TEAD1: variants seen among roughly 807,000 people sequenced by gnomAD.
The protein encoded by TEAD1 is transcriptional enhancer factor TEF-1.
Under a neutral mutation model 54.9 loss-of-function variants are expected in TEAD1, and 9 were observed. That is an observed-to-expected ratio of 0.16 (90% CI 0.10 to 0.29). The LOEUF is 0.29. Among genes scored for constraint, TEAD1 ranks in the 10% least tolerant of loss-of-function variants. The pLI is 1.00. For missense variants in TEAD1, 387 were observed against 535.9 expected, an observed-to-expected ratio of 0.72 and a Z score of 2.74; for synonymous variants, 200 against 187.8, an observed-to-expected ratio of 1.07 and a Z score of -0.53.
chr11:12,816,419 G>T (rs140190411), intron 3 of TEAD1, among the ~76,000 whole-genome samples: 1 of 152,130 alleles, frequency 6.6e-6, no homozygotes, highest in Non-Finnish European at 1.5e-5. Flanking sequence ...TCTTCTGCAC[G>T]CTCTTTTTCC....
At chr11:12,918,790 A>G (rs534428280) in intron 10 of TEAD1, among the ~76,000 whole-genome samples, 2 of 152,344 alleles carry the variant, frequency 1.3e-5, no homozygotes, top group African/African-American at 2.4e-5. Context: ...TTTTCATTCA[A>G]TGGAATATTC....
At chr11:12,748,762 A>T (rs936799997) in intron 2 of TEAD1, among the ~76,000 whole-genome samples, 2 of 151,696 alleles carry the variant, frequency 1.3e-5, no homozygotes, top group African/African-American at 2.4e-5. Flanking sequence ...GGCGGGGGAC[A>T]GCTCAGCTCT....
intron 3 of TEAD1, among the ~76,000 whole-genome samples, chr11:12,808,088 A>G (rs1946215614): frequency 6.6e-6 from 1 of 152,190 alleles, no homozygotes; most frequent in Admixed American, 6.5e-5. Flanking sequence ...AAATATGGGG[A>G]AAAGATGAGA....
chr11:12,713,810 C>T (rs1241130247), intron 2 of TEAD1, among the ~76,000 whole-genome samples: 1 of 152,162 alleles, frequency 6.6e-6, no homozygotes, highest in Non-Finnish European at 1.5e-5. Context: ...TGTCAGCTCT[C>T]TCCTCTCATG....
intron 3 of TEAD1, among the ~76,000 whole-genome samples, chr11:12,799,270 T>C (rs185346408): frequency 2.0e-5 from 3 of 152,378 alleles, no homozygotes; most frequent in African/African-American, 4.8e-5. Context: ...GTTTTCATTA[T>C]CCCACTTCAC....
intron 5 of TEAD1, among the ~76,000 whole-genome samples, chr11:12,877,390 C>T (rs902991275): frequency 6.6e-5 from 10 of 152,168 alleles, no homozygotes; most frequent in East Asian, 1.9e-4. Context: ...TGGTGGCTTA[C>T]GCCTGTAATC....
rs1222926600 is a variant in TEAD1 at position 12,683,566 on chromosome 11, GTTGGGC to G, written c.-55+8008_-55+8013del. ...GCTTTGCGGAGGAAGTGATGTTGGA[GTTGGGC>G]TTTGAAGGAACAGGGGGATTTTTTC... On this transcript the variant is annotated intron_variant, in intron 2 of 12. Transcript: ENST00000527636. Among the ~76,000 whole-genome samples the G allele has an allele frequency of 5.3e-5, 8 of 152,320 alleles. No individual in the cohort carries two copies. The East Asian group carries it at 1.4e-3, about 26-fold the overall frequency.
At chr11:12,914,977 A>G (rs1948684495) in intron 10 of TEAD1, among the ~76,000 whole-genome samples, 1 of 152,258 alleles carries the variant, frequency 6.6e-6, no homozygotes, top group African/African-American at 2.4e-5. Context: ...AGGATGAAGA[A>G]GAGAGGTTCA....
chr11:12,681,047 C>A (rs1943210238), intron 2 of TEAD1, among the ~76,000 whole-genome samples: 1 of 152,188 alleles, frequency 6.6e-6, no homozygotes, highest in African/African-American at 2.4e-5. Flanking sequence ...CTCTTTCAAT[C>A]CTTTCTCCCT....
intron 3 of TEAD1, among the ~76,000 whole-genome samples, chr11:12,806,804 G>T (rs1295599972): frequency 6.6e-6 from 1 of 152,178 alleles, no homozygotes; most frequent in Non-Finnish European, 1.5e-5. Flanking sequence ...GTTGTTCATT[G>T]TCAGGTCAGG....
chr11:12,931,493 ACAGCAGGAATTCTTTACTTGGT>A, intron 12 of TEAD1, among the ~76,000 whole-genome samples: 2 of 152,352 alleles, frequency 1.3e-5, no homozygotes, highest in African/African-American at 4.8e-5. Context: ...AAGAATCCAT[ACAGCAGGAATTCTTTACTTGGT>A]GTTTTTGGTT....
At chr11:12,828,554 T>C (rs1026750518) in intron 3 of TEAD1, among the ~76,000 whole-genome samples, 1 of 152,150 alleles carries the variant, frequency 6.6e-6, no homozygotes, top group African/African-American at 2.4e-5. Context: ...TGCTGAACCT[T>C]GGTTTCAAAA....
At chr11:12,782,708 C>T (rs2133950322) in intron 3 of TEAD1, among the ~76,000 whole-genome samples, 1 of 152,290 alleles carries the variant, frequency 6.6e-6, no homozygotes, top group African/African-American at 2.4e-5. Context: ...TAAATGTTAG[C>T]TACCAATGTA....
rs940436607 is a variant in TEAD1, at chr11:12,930,064, A to G, written c.1015-110A>G. On this transcript the variant is annotated intron_variant, in intron 11 of 12. Coordinates refer to ENST00000527636, the MANE Select transcript of TEAD1 (RefSeq NM_021961.6). ...AGATTACGTAAGTAGTATAGCATAT[A>G]GAAGATGATTCATGTTGAAAAACTA... is the stretch of plus-strand genomic sequence containing the variant. The G allele has an allele frequency of 1.3e-5, 16 of 1,238,968 alleles. No individual in the cohort carries two copies. In the African/African-American group the frequency reaches 2.2e-4, roughly 17 times the overall value. The allele number at this position is 1,238,968 out of a possible 1,614,324, so 76.7% of individuals were successfully genotyped here. A position where few individuals can be genotyped will look rare whatever the true frequency, so the allele number is the denominator to read the frequency against.
chr11:12,736,973 AG>A (rs1944546613), intron 2 of TEAD1, among the ~76,000 whole-genome samples: 2 of 152,344 alleles, frequency 1.3e-5, no homozygotes, highest in South Asian at 4.1e-4. Flanking sequence ...TATTAAATAT[AG>A]TCAATAATAC....
At chr11:12,847,310 A>G (rs367622342) in intron 3 of TEAD1, among the ~76,000 whole-genome samples, 26 of 152,292 alleles carry the variant, frequency 1.7e-4, no homozygotes, top group South Asian at 4.2e-4. Flanking sequence ...AAAGCTCACA[A>G]TCTGCCAAGG....
chr11:12,872,592 G>A (rs1371200630), intron 5 of TEAD1, among the ~76,000 whole-genome samples: 1 of 152,244 alleles, frequency 6.6e-6, no homozygotes, highest in African/African-American at 2.4e-5. Context: ...AATGATGGGA[G>A]CCAGGGCACT....
chr11:12,823,068 G>C (rs939748806), intron 3 of TEAD1, among the ~76,000 whole-genome samples: 2 of 152,124 alleles, frequency 1.3e-5, no homozygotes, highest in African/African-American at 4.8e-5. Flanking sequence ...TTGTCTTGCA[G>C]TTTCCATTCC....
intron 10 of TEAD1, among the ~76,000 whole-genome samples, chr11:12,906,551 A>AG (rs1948525754): frequency 6.6e-6 from 1 of 151,928 alleles, no homozygotes. Context: ...CAAAAAAAAA[A>AG]AAAAAAAGAA....
Sources: allele counts gnomAD v4.1 joint callset (sites outside exome capture counted in the v4.1 genomes callset), GRCh38; gene constraint gnomAD v4.1.1; transcripts MANE v1.5; gene names NCBI Gene and HGNC (gene_info 2026-07-23, HGNC 2026-07-21).